MUC4: variants seen among roughly 807,000 people sequenced by gnomAD.
MUC4 encodes the protein mucin-4.
In MUC4, 202 loss-of-function variants were observed where a neutral mutation model predicts 257.9. The observed-to-expected ratio is 0.78, with a 90% CI of 0.70 to 0.88. MUC4 has a LOEUF of 0.88. Among genes scored for constraint, MUC4 ranks in the 40% least tolerant of loss-of-function variants. The pLI is 0.00. For missense variants in MUC4, 5,976 were observed against 6,513.7 expected (o/e 0.92, Z 2.84); for synonymous variants, 2,351 against 2,757.1 (o/e 0.85, Z 4.62).
rs775032687 is a variant in MUC4, at chr3:195,782,108, T to G, written c.9472A>C (p.Thr3158Pro). The G allele has an allele frequency of 1.3e-5, 17 of 1,355,230 alleles. No homozygotes were observed. The highest frequency in any genetic ancestry group is 1.6e-5 in the Non-Finnish European group (17 of 1,034,516). The allele number at this position is 1,355,230 out of a possible 1,614,324, so 84.0% of individuals were successfully genotyped here. The change falls in exon 2 of 25, where the codon ACT becomes CCT. Residue 3158 changes from threonine (T) to proline (P), a missense_variant. Physicochemically the swap from Thr to Pro is conservative, Grantham distance 38. Coordinates refer to ENST00000463781, the MANE Select transcript of MUC4 (RefSeq NM_018406.7). The stretch of plus-strand genomic sequence containing the variant: ...GCCTGACCTGTGGATGCTGAGGAAG[T>G]GTCGGTGACAGGAAGAGGGGTGGTG... ...GDTTPLPVTD[T>P]SSASTGQATP... is the part of the protein sequence containing the mutation.
chr3:195,766,695 T>C lies in MUC4; in HGVS notation c.13586A>G (p.Tyr4529Cys), dbSNP rs577136629. 1 of 1,614,194 alleles carries C rather than the reference T, an allele frequency of 6.2e-7. No individual in the cohort carries two copies. Among genetic ancestry groups the C allele is most frequent in the East Asian group, 2.2e-5 (1 of 44,884 alleles). Residue 4529 changes from tyrosine (Y) to cysteine (C), a missense_variant, in exon 8 of 25, where the codon TAT becomes TGT. Physicochemically the swap from Tyr to Cys is radical, Grantham distance 194. Around this residue, in one of 44 missense-constraint regions of MUC4, gnomAD observed 996 missense variants for 1,137.3 expected, o/e 0.88. Coordinates refer to ENST00000463781, the MANE Select transcript of MUC4 (RefSeq NM_018406.7). Reference protein sequence around the residue: ...PLMSQPVWERYRPDRFLNSNS... With the variant: ...PLMSQPVWERCRPDRFLNSNS... ...GGAATTCAGGAATCTATCAGGGCGA[T>C]ACCTCTCCCACACTGGCTGGGACAT...
intron 5 of MUC4, among the ~76,000 whole-genome samples, chr3:195,771,110 T>TTGGGGTATTCCTGGTCAGTCTCGC (rs1722760294): frequency 3.0e-5 from 1 of 33,280 alleles, no homozygotes; most frequent in African/African-American, 2.3e-4. Flanking sequence ...GTCAGTCTCG[T>TTGGGGTATTCCTGGTCAGTCTCGC]GGCCGGGTTG....
At position 195,786,327 on chromosome 3, in the gene MUC4, G is replaced by C; in HGVS notation, c.5253C>G (p.Ser1751=). Residue 1751 remains serine (S), a synonymous_variant, in exon 2 of 25, where the codon TCC becomes TCG. Coordinates refer to ENST00000463781, the MANE Select transcript of MUC4 (RefSeq NM_018406.7). ...GGGTGGCCTGACCTGTGGATGCTGA[G>C]GAAGCGTCAGTGACAAGAAGAGGGC... ...HASPLLVTDA[S]SASTGQATPL... The C allele has an allele frequency of 6.5e-7, 1 of 1,527,082 alleles. No individual in the cohort carries two copies. The allele number at this position is 1,527,082 out of a possible 1,614,324, so 94.6% of individuals were successfully genotyped here. A position where few individuals can be genotyped will look rare whatever the true frequency, so the allele number is the denominator to read the frequency against.
At chr3:195,763,034 G>C in intron 12 of MUC4, 89 bp from the exon 13 acceptor site, 1 of 1,124,800 alleles carries the variant, frequency 8.9e-7, no homozygotes, top group Non-Finnish European at 1.3e-6. Context: ...GGGGCTGGAA[G>C]CTGCGCCCTG....
intron 23 of MUC4, 41 bp downstream of exon 23, chr3:195,750,848 C>G (rs368132986): frequency 2.9e-5 from 46 of 1,584,460 alleles, no homozygotes; most frequent in Non-Finnish European, 3.7e-5. Flanking sequence ...GCCCGCCCCC[C>G]GCAGTGACCC....
At position 195,765,253 on chromosome 3, in the gene MUC4, C is replaced by A; in HGVS notation, c.13798+17G>T. ...GGGTGGTGGGTGGGCTTGTGGGGGG[C>A]GGGAAGGAGGTGTCACCTATGCTGA... On this transcript the variant is annotated intron_variant, in intron 9 of 24. Coordinates refer to ENST00000463781, the MANE Select transcript of MUC4 (RefSeq NM_018406.7). 2.5e-6 allele frequency: 4 copies of A among 1,588,546 alleles called. No homozygotes were observed. The highest frequency in any genetic ancestry group is 3.4e-6 in the Non-Finnish European group (4 of 1,165,578).
intron 24 of MUC4, among the ~76,000 whole-genome samples, chr3:195,748,434 C>T (rs1479752991): frequency 2.0e-5 from 3 of 152,228 alleles, no homozygotes; most frequent in Non-Finnish European, 2.9e-5. Flanking sequence ...CGTGGTGGTG[C>T]ATGCCTGTAG....
At chr3:195,778,658 C>T in intron 2 of MUC4, 132 bp downstream of exon 2, 1 of 1,278,094 alleles carries the variant, frequency 7.8e-7, no homozygotes. Context: ...ACACCCATCA[C>T]CTCCTCCCCT....
At chr3:195,758,392 G>A (rs913730469) in intron 17 of MUC4, among the ~76,000 whole-genome samples, 2 of 152,060 alleles carry the variant, frequency 1.3e-5, no homozygotes, top group South Asian at 2.1e-4. Flanking sequence ...GGTACCAAAC[G>A]AAAGTATTTT....
rs777398099 is a variant in MUC4 at position 195,778,388 on chromosome 3, G to A, written c.12858C>T (p.Thr4286=). 1.9e-6 allele frequency: 3 copies of A among 1,613,292 alleles called. No individual in the cohort carries two copies. The highest frequency in any genetic ancestry group is 1.7e-4 in the Middle Eastern group (1 of 5,952). ...GAATGGTGGAAATGATGGTCTGGGA[G>A]GTTGTGGGGGGTGGTGATGTGGCTG... ...RRTATSPPPT[T]SQTIISTIPS... Residue 4286 remains threonine (T), a synonymous_variant, in exon 3 of 25, where the codon ACC becomes ACT. Coordinates refer to ENST00000463781, the MANE Select transcript of MUC4 (RefSeq NM_018406.7).
In MUC4 at chr3:195,779,964, A is replaced by C. The variant is rs1230204309; in HGVS notation, c.11616T>G (p.Pro3872=). Residue 3872 remains proline, a synonymous_variant, in exon 2 of 25, where the codon CCT becomes CCG. Coordinates refer to ENST00000463781, the MANE Select transcript of MUC4 (RefSeq NM_018406.7). ...PSSASTGHAT[P]LPVTGLSSAS... ...CTGAGGAAAGGCCGGTAACAGGAAG[A>C]GGGGTGGCGTGACCTGTGGATGCTG... is the stretch of plus-strand genomic sequence containing the variant. 4.8e-6 allele frequency: 7 copies of C among 1,446,618 alleles called. 2 individuals are homozygous for C. Among genetic ancestry groups the C allele is most frequent in the Admixed American group, 4.3e-5 (2 of 46,400 alleles). 89.6% of individuals were successfully genotyped at this position (1,446,618 alleles called of 1,614,324 possible).
chr3:195,799,378 C>T (rs1487811182), intron 1 of MUC4, among the ~76,000 whole-genome samples: 4 of 152,088 alleles, frequency 2.6e-5, no homozygotes, highest in South Asian at 2.1e-4. Context: ...GGCACGATTT[C>T]GGCCCACTGC....
chr3:195,764,269 AGAGCTTGGCAGGGCAGGGCGGTG>A, intron 10 of MUC4, 105 bp from the exon 11 acceptor site: 1 of 1,286,464 alleles, frequency 7.8e-7, no homozygotes, highest in East Asian at 2.6e-5. Flanking sequence ...GTGTTGGTGG[AGAGCTTGGCAGGGCAGGGCGGTG>A]TTGGTGGAGA....
rs759427631 is a variant in MUC4, at chr3:195,755,996, C to T, written c.15168+1151G>A. ...ATAAAAAAGCAGATAGGACAAGAGT[C>T]GTGGAATTAGGCCAAGTATCTTGGC... On this transcript the variant is annotated intron_variant, in intron 18 of 24. Transcript: ENST00000463781. The surrounding 1 kb of genome is among the most constrained non-coding windows in gnomAD (Gnocchi z 5.0). Among the ~76,000 whole-genome samples, 1 of 152,222 alleles carries T rather than the reference C, an allele frequency of 6.6e-6. No individual in the cohort carries two copies. The highest frequency in any genetic ancestry group is 2.1e-4 in the South Asian group (1 of 4,826).
chr3:195,757,394 ATACGGGGCTTCCC>A lies in MUC4; in HGVS notation c.14987-79_14987-67del. ...CCTCGGCTCTGTGGTCTGATTGCTG[ATACGGGGCTTCCC>A]CCACCCCTCTCAGGCCACCCTCCCC... is the stretch of plus-strand genomic sequence containing the variant. On this transcript the variant is annotated intron_variant, in intron 17 of 24. Coordinates refer to ENST00000463781, the MANE Select transcript of MUC4 (RefSeq NM_018406.7). This position sits in a 1 kb window ranked among gnomAD's most constrained non-coding sequence, Gnocchi z 4.8. 1.4e-6 allele frequency: 2 copies of A among 1,463,628 alleles called. No individual in the cohort carries two copies. Among genetic ancestry groups the A allele is most frequent in the Admixed American group, 3.9e-5 (2 of 51,774 alleles). The allele number at this position is 1,463,628 out of a possible 1,614,324, so 90.7% of individuals were successfully genotyped here.
At chr3:195,762,769 C>T (rs1241894855) in intron 13 of MUC4, 86 bp downstream of exon 13, 1 of 1,291,514 alleles carries the variant, frequency 7.7e-7, no homozygotes, top group Non-Finnish European at 1.0e-6. Context: ...CACCGCCACG[C>T]GCCCGGCCCT....
At chr3:195,762,725 C>A in intron 13 of MUC4, 130 bp downstream of exon 13, 1 of 716,840 alleles carries the variant, frequency 1.4e-6, no homozygotes, top group South Asian at 3.2e-5. Context: ...CACCGCCACG[C>A]GCCCGGCCCT....
intron 16 of MUC4, 68 bp downstream of exon 16, chr3:195,760,816 T>G (rs1718723654): frequency 2.3e-6 from 3 of 1,304,850 alleles, no homozygotes; most frequent in Non-Finnish European, 3.3e-6. Flanking sequence ...AAAAGCAGGG[T>G]CAGGCAAGGG....
Position 195,780,471 on chromosome 3 carries a change from G to C in MUC4, c.11109C>G (p.Ser3703=), listed in dbSNP as rs575372271. Residue 3703 remains serine (S), a synonymous_variant, in exon 2 of 25, where the codon TCC becomes TCG. Coordinates refer to ENST00000463781, the MANE Select transcript of MUC4 (RefSeq NM_018406.7). ...QATPLPVTIP[S]SSSSGHTTPL... is the part of the protein sequence containing the mutation. ...GGGTGGTGTGACCTGAGGATGATGA[G>C]GAAGGGATGGTGACAGGAAGAGGGG... is the stretch of plus-strand genomic sequence containing the variant. The C allele has an allele frequency of 2.0e-6, 3 of 1,523,890 alleles. No homozygotes were observed. The highest frequency in any genetic ancestry group is 3.2e-5 in the African/African-American group (2 of 62,570). The allele number at this position is 1,523,890 out of a possible 1,614,324, so 94.4% of individuals were successfully genotyped here.
Sources: allele counts gnomAD v4.1 joint callset (sites outside exome capture counted in the v4.1 genomes callset), GRCh38; gene constraint gnomAD v4.1.1; regional missense constraint gnomAD v4.1.1; non-coding constraint Gnocchi (gnomAD v3.1); transcripts MANE v1.5; gene names NCBI Gene and HGNC (gene_info 2026-07-23, HGNC 2026-07-21).